NR4A3: variants seen among roughly 807,000 people sequenced by gnomAD.
NR4A3 encodes chondrosarcoma, extraskeletal myxoid, fused to EWS.
NR4A3 carries 13 observed loss-of-function variants against 55.6 expected under a neutral mutation model. That is an observed-to-expected ratio of 0.23 (90% CI 0.15 to 0.37). The LOEUF (loss-of-function observed/expected upper bound fraction) is 0.37. NR4A3 is among the 10% of genes least tolerant of loss of function. The pLI is 1.00. For synonymous variants in NR4A3, 342 were observed against 357.9 expected (o/e 0.96, Z 0.50); for missense variants, 646 against 822.8 (o/e 0.79, Z 2.63).
chr9:99,862,864 C>A (rs1828032392), intron 7 of NR4A3, among the ~76,000 whole-genome samples: 1 of 152,164 alleles, frequency 6.6e-6, no homozygotes, highest in South Asian at 2.1e-4. Context: ...AACATGCCTG[C>A]ACCACATCCT....
intron 5 of NR4A3, among the ~76,000 whole-genome samples, chr9:99,843,376 C>T (rs1827687014): frequency 6.6e-6 from 1 of 152,204 alleles, no homozygotes; most frequent in Non-Finnish European, 1.5e-5. Context: ...TGGGTTCTGC[C>T]AAAGAGACCT....
chr9:99,830,401 G>A (rs190207189), intron 3 of NR4A3, among the ~76,000 whole-genome samples: 63 of 152,308 alleles, frequency 4.1e-4, no homozygotes, highest in African/African-American at 1.5e-3. Context: ...TTAAAGAGCT[G>A]TACAGATAGT....
At chr9:99,862,282 G>A (rs1013537035) in intron 7 of NR4A3, among the ~76,000 whole-genome samples, 2 of 151,934 alleles carry the variant, frequency 1.3e-5, no homozygotes. Context: ...AGTGGCTCAT[G>A]CCTGTAATCC....
At chr9:99,832,642 T>G in intron 3 of NR4A3, 47 bp from the exon 4 acceptor site, 1 of 1,469,502 alleles carries the variant, frequency 6.8e-7, no homozygotes, top group South Asian at 1.4e-5. Flanking sequence ...AGGTCCTACC[T>G]CTTTCCAGAA....
At chr9:99,840,891 A>G (rs1308391239) in intron 5 of NR4A3, among the ~76,000 whole-genome samples, 1 of 152,154 alleles carries the variant, frequency 6.6e-6, no homozygotes, top group Non-Finnish European at 1.5e-5. Context: ...AGGAGAAAAT[A>G]AAAAAGGGGA....
chr9:99,846,536 C>T (rs2118116345), intron 6 of NR4A3, among the ~76,000 whole-genome samples: 1 of 152,242 alleles, frequency 6.6e-6, no homozygotes, highest in South Asian at 2.1e-4. Context: ...AGAAATAGCC[C>T]TCTGCAGCCC....
In NR4A3 at chr9:99,825,546, A is replaced by C. The variant is rs531800416; in HGVS notation, c.-176-113A>C. On this transcript the variant is annotated intron_variant, in intron 1 of 7. Coordinates refer to ENST00000395097, the MANE Select transcript of NR4A3 (RefSeq NM_006981.4). The surrounding 1 kb of genome is among the most constrained non-coding windows in gnomAD (Gnocchi z 5.0). Reference sequence around the variant, plus strand: ...ACGATAATTCTTTGTAATTAATGTAACATTTCTAGAGGTTGCCAACCAATT... The same window carrying C: ...ACGATAATTCTTTGTAATTAATGTACCATTTCTAGAGGTTGCCAACCAATT... 2.0e-5 allele frequency: 3 copies of C among 152,688 alleles called. No homozygotes were observed. Among genetic ancestry groups the C allele is most frequent in the African/African-American group, 7.2e-5 (3 of 41,536 alleles). 9.5% of individuals were successfully genotyped at this position (152,688 alleles called of 1,614,324 possible).
In NR4A3 at chr9:99,827,604, G is replaced by GTGTA. The variant is rs1402634982; in HGVS notation, c.-2-434_-2-431dup. Among the ~76,000 whole-genome samples the GTGTA allele has an allele frequency of 2.6e-5, 4 of 152,316 alleles. No individual in the cohort carries two copies. The East Asian group carries it at 7.7e-4, about 29-fold the overall frequency. ...GCCTAACTCAGGTTTACAAATCAATGTGTATGCCTTGGGGGACCAATGGCC... is the reference window on the plus strand; with the variant it reads ...GCCTAACTCAGGTTTACAAATCAATGTGTATGTATGCCTTGGGGGACCAATGGCC... On this transcript the variant is annotated intron_variant, in intron 2 of 7. Transcript: ENST00000395097.
In NR4A3 at chr9:99,863,927, A is replaced by AG; in HGVS notation, c.*63dup. 3 of 1,549,414 alleles carry AG rather than the reference A, an allele frequency of 1.9e-6. No homozygotes were observed. Among genetic ancestry groups the AG allele is most frequent in the Non-Finnish European group, 2.6e-6 (3 of 1,146,252 alleles). ...CTAGCACCTGCTTGCTACGCAGCAA[A>AG]GGGATAGGTTTGGAAACCTATCATT... On this transcript the variant is annotated 3_prime_UTR_variant, in exon 8 of 8. Transcript: ENST00000395097.
chr9:99,838,322 T>C (rs1008890610), intron 5 of NR4A3, among the ~76,000 whole-genome samples: 13 of 152,176 alleles, frequency 8.5e-5, no homozygotes, highest in African/African-American at 3.1e-4. Flanking sequence ...ATACGAGAGG[T>C]GCTGCTCAGA....
In NR4A3 at chr9:99,865,301, A is replaced by T. The variant is rs1828076751; in HGVS notation, c.*1434A>T. The T allele has an allele frequency of 6.1e-6, 1 of 163,678 alleles. No individual in the cohort carries two copies. Among genetic ancestry groups the T allele is most frequent in the East Asian group, 1.2e-4 (1 of 8,480 alleles). The allele number at this position is 163,678 out of a possible 1,614,324, so 10.1% of individuals were successfully genotyped here. A position where few individuals can be genotyped will look rare whatever the true frequency, so the allele number is the denominator to read the frequency against. ...ACACCAATTAGAAATTAAATAAGCA[A>T]ATATATATATATATATAAATATAGC... is the stretch of plus-strand genomic sequence containing the variant. On this transcript the variant is annotated 3_prime_UTR_variant, in exon 8 of 8. Transcript: ENST00000395097. The surrounding 1 kb of genome is among the most constrained non-coding windows in gnomAD (Gnocchi z 4.3).
chr9:99,841,758 T>C (rs1282752943), intron 5 of NR4A3, among the ~76,000 whole-genome samples: 2 of 122,318 alleles, frequency 1.6e-5, no homozygotes, highest in Non-Finnish European at 4.0e-5. Context: ...GCCTAGGCAA[T>C]ATAGGAGTTC....
At chr9:99,845,781 A>C (rs1306118126) in intron 6 of NR4A3, among the ~76,000 whole-genome samples, 1 of 152,202 alleles carries the variant, frequency 6.6e-6, no homozygotes, top group East Asian at 1.9e-4. Context: ...AATGATTCTG[A>C]TGTCATCAGG....
rs1179212823 is a variant in NR4A3, at chr9:99,865,040, A to C, written c.*1173A>C. 4.9e-6 allele frequency: 1 copy of C among 203,354 alleles called. No individual in the cohort carries two copies. The highest frequency in any genetic ancestry group is 2.3e-5 in the African/African-American group (1 of 43,662). 12.6% of individuals were successfully genotyped at this position (203,354 alleles called of 1,614,324 possible). ...TTTAAAAAATAGTATGAGTGTGAGT[A>C]CTAGGAAGGATTAGTGGGCTGCGTT... On this transcript the variant is annotated 3_prime_UTR_variant, in exon 8 of 8. Transcript: ENST00000395097. This position sits in a 1 kb window ranked among gnomAD's most constrained non-coding sequence, Gnocchi z 4.3.
intron 1 of NR4A3, among the ~76,000 whole-genome samples, chr9:99,823,354 G>A (rs898736799): frequency 1.3e-5 from 2 of 152,158 alleles, no homozygotes; most frequent in African/African-American, 4.8e-5. Context: ...GCAGTGGTGA[G>A]GAAGAACGCA....
Position 99,833,403 on chromosome 9 carries a change from C to T in NR4A3, c.1203C>T (p.Ala401=), listed in dbSNP as rs10988904. Residue 401 remains alanine (A), a synonymous_variant, in exon 5 of 8, where the codon GCC becomes GCT. Transcript: ENST00000395097. ...CTCCTCCAATCTGCATGATGAATGCCCTTGTCCGAGCTTTAACAGACTCAA... is the reference window on the plus strand; with the variant it reads ...CTCCTCCAATCTGCATGATGAATGCTCTTGTCCGAGCTTTAACAGACTCAA... The part of the protein sequence containing the change: ...PPSPPICMMN[A]LVRALTDSTP... 0.36 allele frequency: 573,407 copies of T among 1,613,588 alleles called. 104,945 individuals are homozygous for T. The highest frequency in any genetic ancestry group is 0.39 in the Middle Eastern group (2,361 of 6,058).
Position 99,863,711 on chromosome 9 carries a change from T to C in NR4A3, c.1725T>C (p.Ala575=). Residue 575 remains alanine (A), a synonymous_variant, in exon 8 of 8, where the codon GCT becomes GCC. Transcript: ENST00000395097. ...SLKDHQSKGQ[A]LEPTESKVLG... ...AAGACCACCAGAGTAAGGGACAGGC[T>C]CTGGAGCCCACCGAGTCCAAGGTCC... is the stretch of plus-strand genomic sequence containing the variant. 2 of 1,613,994 alleles carry C rather than the reference T, an allele frequency of 1.2e-6. No homozygotes were observed. Among genetic ancestry groups the C allele is most frequent in the Non-Finnish European group, 1.7e-6 (2 of 1,179,972 alleles).
At chr9:99,856,138 A>G (rs1198459239) in intron 7 of NR4A3, among the ~76,000 whole-genome samples, 1 of 152,014 alleles carries the variant, frequency 6.6e-6, no homozygotes, top group East Asian at 1.9e-4. Flanking sequence ...TTTATTGCGC[A>G]CTTTATTTCT....
chr9:99,863,154 C>T (rs1477254030), intron 7 of NR4A3, among the ~76,000 whole-genome samples: 1 of 152,172 alleles, frequency 6.6e-6, no homozygotes, highest in Non-Finnish European at 1.5e-5. Flanking sequence ...AACATTAATT[C>T]ATTTGCCTGG....
Sources: gnomAD v4.1 joint callset for allele counts (sites outside exome capture counted in the v4.1 genomes callset) on GRCh38, gnomAD v4.1.1 for gene constraint, Gnocchi (gnomAD v3.1) non-coding constraint, MANE v1.5 for transcripts, NCBI Gene and HGNC (gene_info 2026-07-23, HGNC 2026-07-21) for gene names.